The following LILRA2 variants were observed in gnomAD, a reference collection of about 807,000 sequenced individuals.
LILRA2 encodes leukocyte immunoglobulin-like receptor subfamily A member 2.
LILRA2 carries 45 observed loss-of-function variants against 47.9 expected under a neutral mutation model. The ratio of observed to expected loss-of-function variants is 0.94; its 90% CI spans 0.74 to 1.20. The LOEUF (loss-of-function observed/expected upper bound fraction) is 1.20. LILRA2 is among the 50% of genes most tolerant of loss of function. The probability of loss-of-function intolerance (pLI) is 0.00; values close to 1 mark genes in which losing one functional copy is unlikely to be tolerated. For synonymous variants in LILRA2, 279 were observed against 249.2 expected (o/e 1.12, Z -1.13); for missense variants, 651 against 598.2 (o/e 1.09, Z -0.92).
rs2062865267 is a variant in LILRA2 at position 54,588,212 on chromosome 19, G to A, written c.*866G>A. The A allele has an allele frequency of 6.6e-6, 1 of 152,136 alleles. No individual in the cohort carries two copies. The highest frequency in any genetic ancestry group is 1.9e-4 in the East Asian group (1 of 5,194). 9.4% of individuals were successfully genotyped at this position (152,136 alleles called of 1,614,324 possible). On this transcript the variant is annotated 3_prime_UTR_variant, in exon 8 of 8. Coordinates refer to ENST00000391738, the MANE Select transcript of LILRA2 (RefSeq NM_001130917.3). ...TGATCACTTCTACTTCAGTGTTATGGCACAGGTCAAATGAAATTCTGACAC... is the reference window on the plus strand; with the variant it reads ...TGATCACTTCTACTTCAGTGTTATGACACAGGTCAAATGAAATTCTGACAC...
Position 54,580,112 on chromosome 19 carries a change from G to T in LILRA2, c.1255+4003G>T, listed in dbSNP as rs111235784. Among the ~76,000 whole-genome samples, 4 of 151,350 alleles carry T rather than the reference G, an allele frequency of 2.6e-5. No homozygotes were observed. The South Asian group carries it at 8.3e-4, about 31-fold the overall frequency. ...AATACACTTTATTTCTTTCTCTTGC[G>T]TGATTGCCCTAGCCAGAACTTCCAA... On this transcript the variant is annotated intron_variant, in intron 6 of 7. Transcript: ENST00000391738.
Position 54,587,217 on chromosome 19 carries a change from C to G in LILRA2, c.1323C>G (p.His441Gln). The G allele has an allele frequency of 6.2e-7, 1 of 1,614,054 alleles. No homozygotes were observed. ...TDSTTTSLGQ[H>Q]PQDYTVENLI... The stretch of plus-strand genomic sequence containing the variant: ...TTTGTCCAGCATCCCTAGGCCAACA[C>G]CCCCAGGATTACACAGTGGAGAATC... Residue 441 changes from histidine to glutamine, a missense_variant, in exon 8 of 8, where the codon CAC becomes CAG. By Grantham distance (24) the His-to-Gln change is conservative. Coordinates refer to ENST00000391738, the MANE Select transcript of LILRA2 (RefSeq NM_001130917.3).
Position 54,575,908 on chromosome 19 carries a change from A to G in LILRA2, c.1054A>G (p.Thr352Ala), listed in dbSNP as rs1336838616. 6.2e-7 allele frequency: 1 copy of G among 1,613,654 alleles called. No homozygotes were observed. The highest frequency in any genetic ancestry group is 8.5e-7 in the Non-Finnish European group (1 of 1,179,882). ...GTGTCAGTCACGGGGGCAGTTCCAC[A>G]CTTTCCTTCTGACCAAGGAGGGGGC... ...LLCQSRGQFH[T>A]FLLTKEGAGH... The change falls in exon 6 of 8, where the codon ACT becomes GCT. Residue 352 changes from threonine (T) to alanine (A), a missense_variant. Physicochemically the swap from Thr to Ala is moderately conservative, Grantham distance 58. Coordinates refer to ENST00000391738, the MANE Select transcript of LILRA2 (RefSeq NM_001130917.3).
Position 54,575,846 on chromosome 19 carries a change from T to G in LILRA2, c.992T>G (p.Val331Gly), listed in dbSNP as rs7249811. The change falls in exon 6 of 8, where the codon GTC becomes GGC. Residue 331 changes from valine to glycine, a missense_variant. Coordinates refer to ENST00000391738, the MANE Select transcript of LILRA2 (RefSeq NM_001130917.3). Reference sequence around the variant, plus strand: ...AGACCCTCTCTCTCGGTGCAGCCGGTCCCCACAGTAGCCCCAGGAAAGAAC... The same window carrying G: ...AGACCCTCTCTCTCGGTGCAGCCGGGCCCCACAGTAGCCCCAGGAAAGAAC... ...YDRPSLSVQP[V>G]PTVAPGKNVT... 0.099 allele frequency: 159,796 copies of G among 1,610,760 alleles called. 9,131 individuals carry two copies. Among genetic ancestry groups the G allele is most frequent in the African/African-American group, 0.22 (16,191 of 74,090 alleles).
chr19:54,574,183 G>A (rs868584634), intron 2 of LILRA2, 72 bp downstream of exon 2: 1 of 1,614,256 alleles, frequency 6.2e-7, no homozygotes, highest in Admixed American at 1.7e-5. Context: ...GTGCAGCTGG[G>A]GATGGGGAAT....
In LILRA2 at chr19:54,574,770, C is replaced by T. The variant is rs2062320952; in HGVS notation, c.392C>T (p.Pro131Leu). ...CCCACCCTCTCAGCTCTGCCCAGCC[C>T]TGTGGTGACCTCAGGAGGGAACGTG... is the stretch of plus-strand genomic sequence containing the variant. ...SKPTLSALPS[P>L]VVTSGGNVTL... Residue 131 changes from proline (P) to leucine (L), a missense_variant, in exon 4 of 8, where the codon CCT becomes CTT. By Grantham distance (98) the Pro-to-Leu change is moderately conservative. Coordinates refer to ENST00000391738, the MANE Select transcript of LILRA2 (RefSeq NM_001130917.3). 3 of 1,614,282 alleles carry T rather than the reference C, an allele frequency of 1.9e-6. No homozygotes were observed. The East Asian group carries it at 6.7e-5, about 36-fold the overall frequency.
chr19:54,574,977 C>T lies in LILRA2; in HGVS notation c.599C>T (p.Ser200Leu), dbSNP rs369853004. 35 of 1,614,192 alleles carry T rather than the reference C, an allele frequency of 2.2e-5. No homozygotes were observed. In the African/African-American group the frequency reaches 3.9e-4, roughly 18 times the overall value. ...TCGTACAGGTGCTATGCTTATGACT[C>T]GAACTCTCCCTATGTGTGGTCTCTA... ...RWSYRCYAYDSNSPYVWSLPS... is the reference protein window; with the variant it reads ...RWSYRCYAYDLNSPYVWSLPS... Residue 200 changes from serine to leucine, a missense_variant, in exon 4 of 8, where the codon TCG (serine) becomes TTG (leucine). Physicochemically the swap from Ser to Leu is moderately radical, Grantham distance 145. Coordinates refer to ENST00000391738, the MANE Select transcript of LILRA2 (RefSeq NM_001130917.3).
chr19:54,579,962 A>G (rs1026548978), intron 6 of LILRA2, among the ~76,000 whole-genome samples: 4 of 152,172 alleles, frequency 2.6e-5, no homozygotes, highest in Non-Finnish European at 5.9e-5. Flanking sequence ...TTGATTTTGT[A>G]TCCTGAGACT....
Position 54,587,469 on chromosome 19 carries a change from T to G in LILRA2, c.*123T>G. The G allele has an allele frequency of 7.1e-7, 1 of 1,411,678 alleles. No homozygotes were observed. Among genetic ancestry groups the G allele is most frequent in the East Asian group, 2.4e-5 (1 of 41,432 alleles). 87.4% of individuals were successfully genotyped at this position (1,411,678 alleles called of 1,614,324 possible). A position where few individuals can be genotyped will look rare whatever the true frequency, so the allele number is the denominator to read the frequency against. On this transcript the variant is annotated 3_prime_UTR_variant, in exon 8 of 8. Coordinates refer to ENST00000391738, the MANE Select transcript of LILRA2 (RefSeq NM_001130917.3). Reference sequence around the variant, plus strand: ...ATCTGGACTGTATGCTGGTCATTTCTAGAGACAGCAATCAATATTTGAGTG... The same window carrying G: ...ATCTGGACTGTATGCTGGTCATTTCGAGAGACAGCAATCAATATTTGAGTG...
rs930443611 is a variant in LILRA2 at position 54,589,148 on chromosome 19, C to T, written c.*1802C>T. 1 of 152,116 alleles carries T rather than the reference C, an allele frequency of 6.6e-6. No homozygotes were observed. Among genetic ancestry groups the T allele is most frequent in the Non-Finnish European group, 1.5e-5 (1 of 68,024 alleles). 9.4% of individuals were successfully genotyped at this position (152,116 alleles called of 1,614,324 possible). On this transcript the variant is annotated 3_prime_UTR_variant, in exon 8 of 8. Coordinates refer to ENST00000391738, the MANE Select transcript of LILRA2 (RefSeq NM_001130917.3). Reference sequence around the variant, plus strand: ...CTCTTCTTCAGATTATGATATCACTCAGATCAGATTAGGACTCATCCTAAT... The same window carrying T: ...CTCTTCTTCAGATTATGATATCACTTAGATCAGATTAGGACTCATCCTAAT...
Position 54,589,140 on chromosome 19 carries a change from A to G in LILRA2, c.*1794A>G, listed in dbSNP as rs545947747. The stretch of plus-strand genomic sequence containing the variant: ...TGTCTTTTCTCTTCTTCAGATTATG[A>G]TATCACTCAGATCAGATTAGGACTC... On this transcript the variant is annotated 3_prime_UTR_variant, in exon 8 of 8. Transcript: ENST00000391738. 1.3e-4 allele frequency: 20 copies of G among 152,250 alleles called. No homozygotes were observed. Among genetic ancestry groups the G allele is most frequent in the Admixed American group, 1.2e-3 (18 of 15,302 alleles). 9.4% of individuals were successfully genotyped at this position (152,250 alleles called of 1,614,324 possible).
rs775839944 is a variant in LILRA2, at chr19:54,586,709, C to T, written c.1256-301C>T. 3.6e-3 allele frequency among the ~76,000 whole-genome samples: 554 copies of T among 152,228 alleles called. No individual in the cohort carries two copies. In the South Asian group the frequency reaches 0.072, roughly 20 times the overall value. ...AGAGAGCACACAAGGTCCCAGGCTGCACAGAGAGCACATAAGGTCCTGGTT... is the reference window on the plus strand; with the variant it reads ...AGAGAGCACACAAGGTCCCAGGCTGTACAGAGAGCACATAAGGTCCTGGTT... On this transcript the variant is annotated intron_variant, in intron 6 of 7. Coordinates refer to ENST00000391738, the MANE Select transcript of LILRA2 (RefSeq NM_001130917.3).
At chr19:54,573,263 CA>C (rs2062199297), upstream of LILRA2, 2 of 467,840 alleles carry the variant, frequency 4.3e-6, no homozygotes, top group South Asian at 5.0e-5. Context: ...GGATTCCAGG[CA>C]TGAGCCACCA....
rs34018665 is a variant in LILRA2 at position 54,575,927 on chromosome 19, AG to A, written c.1078del (p.Ala360GlnfsTer8). The A allele has an allele frequency of 6.2e-7, 1 of 1,613,856 alleles. No individual in the cohort carries two copies. The highest frequency in any genetic ancestry group is 8.5e-7 in the Non-Finnish European group (1 of 1,179,936). ...TTCCACACTTTCCTTCTGACCAAGGAGGGGGCAGGCCATCCCCCACTGCATC... is the reference window on the plus strand; with the variant it reads ...TTCCACACTTTCCTTCTGACCAAGGAGGGGCAGGCCATCCCCCACTGCATC... ...GQFHTFLLTK[E>X]GAGHPPLHLR... On this transcript the variant is annotated frameshift_variant, in exon 6 of 8. Transcript: ENST00000391738. LOFTEE classifies it high-confidence loss of function.
rs775135321 is a variant in LILRA2, at chr19:54,574,476, C to T, written c.246C>T (p.Phe82=). 12 of 1,614,118 alleles carry T rather than the reference C, an allele frequency of 7.4e-6. No individual in the cohort carries two copies. In the Admixed American group the frequency reaches 1.3e-4, roughly 18 times the overall value. Residue 82 remains phenylalanine (F), a synonymous_variant, in exon 3 of 8, where the codon TTC becomes TTT. Transcript: ENST00000391738. ...AAGAGCCTGGGAAGAATGGCCAGTT[C>T]CCCATCCCATCCATCACCTGGGAAC... ...RIQEPGKNGQ[F]PIPSITWEHA...
In LILRA2 at chr19:54,574,101, C is replaced by T. The variant is rs146810027; in HGVS notation, c.60C>T (p.His20=). The T allele has an allele frequency of 6.4e-5, 103 of 1,614,216 alleles. 2 individuals are homozygous for T. The East Asian group carries it at 1.7e-3, about 27-fold the overall frequency. Residue 20 remains histidine (H), a synonymous_variant, in exon 2 of 8, where the codon CAC becomes CAT. Transcript: ENST00000391738. ...CLGLSLGPRT[H]VQAGHLPKPT... is the part of the protein sequence containing the mutation. ...GGCTGAGTCTGGGCCCCAGGACCCACGTGCAGGCAGGTGAGTCTGTTCCCA... is the reference window on the plus strand; with the variant it reads ...GGCTGAGTCTGGGCCCCAGGACCCATGTGCAGGCAGGTGAGTCTGTTCCCA...
rs1274249412 is a variant in LILRA2 at position 54,589,160 on chromosome 19, G to A, written c.*1814G>A. The A allele has an allele frequency of 6.6e-6, 1 of 152,038 alleles. No homozygotes were observed. The highest frequency in any genetic ancestry group is 2.4e-5 in the African/African-American group (1 of 41,382). 9.4% of individuals were successfully genotyped at this position (152,038 alleles called of 1,614,324 possible). On this transcript the variant is annotated 3_prime_UTR_variant, in exon 8 of 8. Coordinates refer to ENST00000391738, the MANE Select transcript of LILRA2 (RefSeq NM_001130917.3). ...TTATGATATCACTCAGATCAGATTA[G>A]GACTCATCCTAATTCGTTATGATCC...
rs981707458 is a variant in LILRA2 at position 54,587,468 on chromosome 19, C to G, written c.*122C>G. 3 of 1,410,770 alleles carry G rather than the reference C, an allele frequency of 2.1e-6. No individual in the cohort carries two copies. In the African/African-American group the frequency reaches 4.3e-5, roughly 20 times the overall value. The allele number at this position is 1,410,770 out of a possible 1,614,324, so 87.4% of individuals were successfully genotyped here. Reference sequence around the variant, plus strand: ...TATCTGGACTGTATGCTGGTCATTTCTAGAGACAGCAATCAATATTTGAGT... The same window carrying G: ...TATCTGGACTGTATGCTGGTCATTTGTAGAGACAGCAATCAATATTTGAGT... On this transcript the variant is annotated 3_prime_UTR_variant, in exon 8 of 8. Coordinates refer to ENST00000391738, the MANE Select transcript of LILRA2 (RefSeq NM_001130917.3).
upstream of LILRA2, chr19:54,573,272 C>T (rs1239828133): frequency 6.3e-6 from 3 of 478,142 alleles, no homozygotes; most frequent in Non-Finnish European, 1.2e-5. Flanking sequence ...GCATGAGCCA[C>T]CATGGTAGAC....
Sources: gnomAD v4.1 joint callset for allele counts (sites outside exome capture counted in the v4.1 genomes callset) on GRCh38, gnomAD v4.1.1 for gene constraint, MANE v1.5 for transcripts, NCBI Gene and HGNC (gene_info 2026-07-23, HGNC 2026-07-21) for gene names.